RYR2: variants seen among roughly 807,000 people sequenced by gnomAD.
RYR2 encodes the protein ryanodine receptor 2, also known as cardiac muscle ryanodine receptor-calcium release channel.
Under a neutral mutation model 601.1 loss-of-function variants are expected in RYR2, and 227 were observed. That is an observed-to-expected ratio of 0.38 (90% CI 0.34 to 0.42). RYR2 has a LOEUF of 0.42. Ranked by LOEUF, RYR2 falls within the 10% of genes least tolerant of loss-of-function variation. The pLI is 1.00. For synonymous variants in RYR2, 2,223 were observed against 2,175.1 expected (o/e 1.02, Z -0.61); for missense variants, 4,646 against 6,156.5 (o/e 0.75, Z 8.21).
Position 237,722,998 on chromosome 1 carries a change from C to G in RYR2, c.10555-130C>G, listed in dbSNP as rs373181355. On this transcript the variant is annotated intron_variant, in intron 73 of 104. Coordinates refer to ENST00000366574, the MANE Select transcript of RYR2 (RefSeq NM_001035.3). Reference sequence around the variant, plus strand: ...TTCATCCTACATAACTGCAGCTGCGCGTCATGTCTTAACTGGTAAACACTG... The same window carrying G: ...TTCATCCTACATAACTGCAGCTGCGGGTCATGTCTTAACTGGTAAACACTG... The G allele has an allele frequency of 5.7e-4, 397 of 697,238 alleles. 2 individuals are homozygous for G. The highest frequency in any genetic ancestry group is 4.8e-3 in the South Asian group (213 of 44,680). The allele number at this position is 697,238 out of a possible 1,614,324, so 43.2% of individuals were successfully genotyped here.
At chr1:237,342,313 ATTT>A (rs201847873) in intron 3 of RYR2, among the ~76,000 whole-genome samples, 36 of 130,212 alleles carry the variant, frequency 2.8e-4, no homozygotes, top group Middle Eastern at 8.2e-3. Context: ...TGGCTAATTA[ATTT>A]TTTTTTTTTT....
intron 10 of RYR2, among the ~76,000 whole-genome samples, chr1:237,414,825 G>A (rs1704796924): frequency 1.3e-5 from 2 of 152,128 alleles, no homozygotes; most frequent in Admixed American, 1.3e-4. Flanking sequence ...TTAGCAACAT[G>A]GTTGAGCCTA....
chr1:237,417,053 G>C lies in RYR2; in HGVS notation c.778G>C (p.Val260Leu). The C allele has an allele frequency of 6.2e-7, 1 of 1,613,726 alleles. No individual in the cohort carries two copies. Among genetic ancestry groups the C allele is most frequent in the Non-Finnish European group, 8.5e-7 (1 of 1,179,686 alleles). Residue 260 changes from valine to leucine, a missense_variant, in exon 11 of 105, where the codon GTT becomes CTT. By Grantham distance (32) the Val-to-Leu change is conservative. Coordinates refer to ENST00000366574, the MANE Select transcript of RYR2 (RefSeq NM_001035.3). ...TTTGTTTGTTTGTTGAAACAGAACT[G>C]TTCATTATGAAGGTGGCGCTGTGTC... ...GEHGEEQRRT[V>L]HYEGGAVSVH...
intron 61 of RYR2, among the ~76,000 whole-genome samples, chr1:237,679,969 G>A (rs1685724232): frequency 1.3e-5 from 2 of 152,142 alleles, no homozygotes; most frequent in South Asian, 4.1e-4. Context: ...AGAAAGGCCA[G>A]GTTAAAAGAA....
At chr1:237,472,780 G>T (rs533487572) in intron 17 of RYR2, among the ~76,000 whole-genome samples, 1 of 151,954 alleles carries the variant, frequency 6.6e-6, no homozygotes, top group African/African-American at 2.4e-5. Flanking sequence ...GTCTTTGCAC[G>T]CATAGGCTGT....
At chr1:237,688,170 T>G (rs1282074987) in intron 63 of RYR2, among the ~76,000 whole-genome samples, 1 of 152,250 alleles carries the variant, frequency 6.6e-6, no homozygotes, top group African/African-American at 2.4e-5. Flanking sequence ...GAATCTTTAG[T>G]GGCTGGTGGA....
At chr1:237,573,321 C>T (rs1221201905) in intron 29 of RYR2, among the ~76,000 whole-genome samples, 2 of 151,788 alleles carry the variant, frequency 1.3e-5, no homozygotes, top group Non-Finnish European at 2.9e-5. Context: ...AGATCCCTGT[C>T]TGGTCAGCTT....
chr1:237,491,844 C>T lies in RYR2; in HGVS notation c.1747C>T (p.Pro583Ser). 1 of 1,485,452 alleles carries T rather than the reference C, an allele frequency of 6.7e-7. No homozygotes were observed. The highest frequency in any genetic ancestry group is 9.2e-7 in the Non-Finnish European group (1 of 1,083,516). The allele number at this position is 1,485,452 out of a possible 1,614,324, so 92.0% of individuals were successfully genotyped here. The change falls in exon 18 of 105, where the codon CCA (proline) becomes TCA (serine). Residue 583 changes from proline (P) to serine (S), a missense_variant. Physicochemically the swap from Pro to Ser is moderately conservative, Grantham distance 74 (BLOSUM62 -1). Transcript: ENST00000366574. ...TTTACACTGTGTTTTAGTAGAAAGTCCAGAAGCTCTAAATATTATTAAAGA... is the reference window on the plus strand; with the variant it reads ...TTTACACTGTGTTTTAGTAGAAAGTTCAGAAGCTCTAAATATTATTAAAGA... ...EVLHCVLVES[P>S]EALNIIKEGH...
At chr1:237,754,962 A>T in intron 80 of RYR2, 1 of 560,412 alleles carries the variant, frequency 1.8e-6, no homozygotes, top group Non-Finnish European at 2.8e-6. Flanking sequence ...CTCTGCTTCC[A>T]TTTAGGCCTA....
At chr1:237,595,785 A>G in intron 34 of RYR2, 128 bp downstream of exon 34, 1 of 1,157,178 alleles carries the variant, frequency 8.6e-7, no homozygotes, top group Non-Finnish European at 1.2e-6. Flanking sequence ...TCTGAAAATC[A>G]GCCGAGCAGA....
chr1:237,139,209 AATACTACC>A (rs1331557938), intron 1 of RYR2, among the ~76,000 whole-genome samples: 9 of 152,236 alleles, frequency 5.9e-5, no homozygotes, highest in Admixed American at 6.5e-5. Flanking sequence ...AAGGGAAAGG[AATACTACC>A]ATATATACTA....
At chr1:237,377,277 A>T in intron 7 of RYR2, 46 bp from the exon 8 acceptor site, 1 of 1,410,796 alleles carries the variant, frequency 7.1e-7, no homozygotes, top group Non-Finnish European at 9.7e-7. Context: ...AATAGATTTT[A>T]ATTAAGAGGA....
At chr1:237,169,223 A>G (rs1486871830) in intron 1 of RYR2, among the ~76,000 whole-genome samples, 1 of 152,136 alleles carries the variant, frequency 6.6e-6, no homozygotes, top group Non-Finnish European at 1.5e-5. Context: ...CTTTCCCCCA[A>G]ATATCAAGAG....
At chr1:237,830,365 C>T in intron 102 of RYR2, 165 bp from the exon 103 acceptor site, 1 of 531,816 alleles carries the variant, frequency 1.9e-6, no homozygotes, top group South Asian at 2.2e-5. Context: ...GATATAGTTA[C>T]AGCGACAGTT....
chr1:237,598,217 G>A (rs1676094352), intron 34 of RYR2, among the ~76,000 whole-genome samples: 1 of 152,144 alleles, frequency 6.6e-6, no homozygotes, highest in South Asian at 2.1e-4. Context: ...CAATAGTAGG[G>A]AAGTTCAACA....
chr1:237,781,964 T>C (rs1695151943), intron 89 of RYR2, among the ~76,000 whole-genome samples: 1 of 152,144 alleles, frequency 6.6e-6, no homozygotes, highest in South Asian at 2.1e-4. Context: ...TTGTCCATAA[T>C]CAGTGGGGGT....
At chr1:237,661,366 G>A (rs1435618250) in intron 56 of RYR2, among the ~76,000 whole-genome samples, 1 of 152,088 alleles carries the variant, frequency 6.6e-6, no homozygotes, top group East Asian at 1.9e-4. Flanking sequence ...GGCTAGGGGA[G>A]GGATAGCATT....
At chr1:237,069,945 A>C (rs1664101213) in intron 1 of RYR2, among the ~76,000 whole-genome samples, 1 of 152,074 alleles carries the variant, frequency 6.6e-6, no homozygotes, top group Non-Finnish European at 1.5e-5. Flanking sequence ...TATTCTCTTA[A>C]ATTTTTAATT....
chr1:237,605,694 A>C (rs1213940592), intron 35 of RYR2, among the ~76,000 whole-genome samples: 1 of 151,916 alleles, frequency 6.6e-6, no homozygotes, highest in African/African-American at 2.4e-5. Flanking sequence ...AAATCTCCTT[A>C]AGCTGATAAG....
Sources: allele counts gnomAD v4.1 joint callset (sites outside exome capture counted in the v4.1 genomes callset), GRCh38; gene constraint gnomAD v4.1.1; transcripts MANE v1.5; gene names NCBI Gene and HGNC (gene_info 2026-07-23, HGNC 2026-07-21).